Variants in GPC5 observed in about 807,000 individuals in gnomAD.
GPC5 encodes glypican 5.
Under a neutral mutation model 53.9 loss-of-function variants are expected in GPC5, and 47 were observed. That is an observed-to-expected ratio of 0.87 (90% CI 0.69 to 1.11). The LOEUF is 1.11. Ranked by LOEUF, GPC5 falls within the 50% of genes most tolerant of loss-of-function variation. The pLI is 0.00. For synonymous variants in GPC5, 286 were observed against 263.3 expected (o/e 1.09, Z -0.84); for missense variants, 748 against 713.1 (o/e 1.05, Z -0.56).
chr13:91,929,778 A>G (rs940137083), intron 6 of GPC5, among the ~76,000 whole-genome samples: 5 of 150,830 alleles, frequency 3.3e-5, no homozygotes, highest in Admixed American at 1.3e-4. Context: ...TTGGTATATT[A>G]TCATAGATTT....
intron 7 of GPC5, chr13:92,240,096 A>G (rs1347505369): frequency 6.6e-6 from 1 of 152,140 alleles, no homozygotes; most frequent in Non-Finnish European, 1.5e-5. Flanking sequence ...TCAGTGACAC[A>G]GCAAAACTCC....
intron 7 of GPC5, among the ~76,000 whole-genome samples, chr13:92,386,345 T>C (rs1874725723): frequency 6.6e-6 from 1 of 152,056 alleles, no homozygotes; most frequent in South Asian, 2.1e-4. Context: ...TCTCTTTTAC[T>C]GGTTTCATAA....
intron 2 of GPC5, among the ~76,000 whole-genome samples, chr13:91,649,226 T>G (rs2034635833): frequency 6.6e-6 from 1 of 152,162 alleles, no homozygotes; most frequent in Non-Finnish European, 1.5e-5. Flanking sequence ...TTATAAATTA[T>G]CCAGTCTCAG....
At chr13:92,525,347 G>A (rs891793436) in intron 7 of GPC5, among the ~76,000 whole-genome samples, 7 of 151,876 alleles carry the variant, frequency 4.6e-5, no homozygotes, top group Non-Finnish European at 1.0e-4. Context: ...ATGTTTTGAA[G>A]TGAGCATATG....
intron 2 of GPC5, among the ~76,000 whole-genome samples, chr13:91,502,572 A>G (rs1184149674): frequency 6.6e-6 from 1 of 152,204 alleles, no homozygotes; most frequent in Non-Finnish European, 1.5e-5. Context: ...TTAGAAAATC[A>G]GAATGGAATC....
Position 91,693,213 on chromosome 13 carries a change from G to A in GPC5, c.352G>A (p.Ala118Thr), listed in dbSNP as rs767592118. The A allele has an allele frequency of 1.9e-6, 3 of 1,613,366 alleles. No homozygotes were observed. The highest frequency in any genetic ancestry group is 1.1e-5 in the South Asian group (1 of 91,058). Reference protein sequence around the residue: ...QETLETLIKQAENYTSILFCS... With the variant: ...QETLETLIKQTENYTSILFCS... ...AACCCTTGAAACTCTCATCAAACAA[G>A]CAGAAAATTACACCAGTATACTTTT... Residue 118 changes from alanine to threonine, a missense_variant, in exon 3 of 8, where the codon GCA becomes ACA. By Grantham distance (58) the Ala-to-Thr change is moderately conservative. Coordinates refer to ENST00000377067, the MANE Select transcript of GPC5 (RefSeq NM_004466.6).
intron 7 of GPC5, among the ~76,000 whole-genome samples, chr13:92,305,119 A>G (rs1447887216): frequency 6.6e-6 from 1 of 152,210 alleles, no homozygotes; most frequent in Non-Finnish European, 1.5e-5. Flanking sequence ...CATCTCAACT[A>G]TTCATACTAA....
At chr13:91,590,353 A>G (rs1347631671) in intron 2 of GPC5, among the ~76,000 whole-genome samples, 1 of 152,058 alleles carries the variant, frequency 6.6e-6, no homozygotes, top group Non-Finnish European at 1.5e-5. Context: ...ATTCCCCTCA[A>G]TAACATTCGA....
chr13:91,503,501 G>T (rs540929689), intron 2 of GPC5, among the ~76,000 whole-genome samples: 1 of 152,094 alleles, frequency 6.6e-6, no homozygotes, highest in South Asian at 2.1e-4. Flanking sequence ...ATTAGGCTGG[G>T]CCGGGTGCAG....
intron 7 of GPC5, among the ~76,000 whole-genome samples, chr13:92,772,052 A>C (rs1434768475): frequency 1.3e-5 from 2 of 152,148 alleles, no homozygotes; most frequent in Non-Finnish European, 2.9e-5. Flanking sequence ...GAATTAATCC[A>C]ACAGAAAATC....
chr13:91,531,496 A>C (rs1188674479), intron 2 of GPC5, among the ~76,000 whole-genome samples: 2 of 152,190 alleles, frequency 1.3e-5, no homozygotes, highest in African/African-American at 4.8e-5. Flanking sequence ...ACTTTTTAGT[A>C]TAAATTTTGA....
At chr13:92,206,170 T>TGG (rs1566484716) in intron 7 of GPC5, among the ~76,000 whole-genome samples, 2 of 132,570 alleles carry the variant, frequency 1.5e-5, no homozygotes, top group African/African-American at 5.7e-5. Flanking sequence ...TTTTTTTATT[T>TGG]TTTTTTTTTT....
chr13:91,755,595 G>T (rs965908513), intron 4 of GPC5, among the ~76,000 whole-genome samples: 5 of 152,054 alleles, frequency 3.3e-5, no homozygotes, highest in Non-Finnish European at 5.9e-5. Flanking sequence ...CAAAAAACCT[G>T]CTTGTTGTTG....
At chr13:91,798,254 A>G (rs1424342387) in intron 5 of GPC5, among the ~76,000 whole-genome samples, 1 of 152,210 alleles carries the variant, frequency 6.6e-6, no homozygotes, top group African/African-American at 2.4e-5. Flanking sequence ...AACGTGTGCC[A>G]TGGTGGTTTG....
At chr13:92,081,486 A>G (rs2041295011) in intron 6 of GPC5, among the ~76,000 whole-genome samples, 1 of 152,172 alleles carries the variant, frequency 6.6e-6, no homozygotes, top group Admixed American at 6.5e-5. Flanking sequence ...GATTTTAAAG[A>G]GGCAATTAGG....
chr13:92,791,271 T>C (rs1386527423), intron 7 of GPC5, among the ~76,000 whole-genome samples: 4 of 152,104 alleles, frequency 2.6e-5, no homozygotes, highest in Admixed American at 6.6e-5. Context: ...GTCAACTTTT[T>C]TCACTAACTA....
chr13:92,177,772 T>C (rs2042118989), intron 7 of GPC5, among the ~76,000 whole-genome samples: 1 of 152,202 alleles, frequency 6.6e-6, no homozygotes, highest in South Asian at 2.1e-4. Flanking sequence ...ATTCCTACCT[T>C]GAGAAGACTA....
At chr13:92,733,358 T>C (rs1292717860) in intron 7 of GPC5, among the ~76,000 whole-genome samples, 6 of 151,732 alleles carry the variant, frequency 4.0e-5, no homozygotes, top group African/African-American at 1.2e-4. Context: ...TGAGTTTTTC[T>C]GTGTTAAGTG....
At chr13:91,586,540 ATATATATATATATATATATAT>A (rs2139130585) in intron 2 of GPC5, among the ~76,000 whole-genome samples, 4 of 51,316 alleles carry the variant, frequency 7.8e-5, no homozygotes, top group South Asian at 5.5e-4. Context: ...ATATATATAT[ATATATATATATATATATATAT>A]GTAGAGAGAG....
Sources: gnomAD v4.1 joint callset for allele counts (sites outside exome capture counted in the v4.1 genomes callset) on GRCh38, gnomAD v4.1.1 for gene constraint, MANE v1.5 for transcripts, NCBI Gene and HGNC (gene_info 2026-07-23, HGNC 2026-07-21) for gene names.